CACNA1D: variants seen among roughly 807,000 people sequenced by gnomAD.
The protein encoded by CACNA1D is calcium voltage-gated channel subunit alpha1 D.
CACNA1D carries 55 observed loss-of-function variants against 257.1 expected under a neutral mutation model. That is an observed-to-expected ratio of 0.21 (90% CI 0.17 to 0.27). The LOEUF is 0.27. CACNA1D is among the 10% of genes least tolerant of loss of function. CACNA1D has a pLI of 1.00. For missense variants in CACNA1D, 1,876 were observed against 2,784.0 expected (o/e 0.67, Z 7.34); for synonymous variants, 980 against 1,014.9 (o/e 0.97, Z 0.65).
In CACNA1D at chr3:53,665,810, C is replaced by T. The variant is rs992092019; in HGVS notation, c.917C>T (p.Ser306Leu). 6.2e-7 allele frequency: 1 copy of T among 1,612,152 alleles called. No homozygotes were observed. The highest frequency in any genetic ancestry group is 1.1e-5 in the South Asian group (1 of 90,842). The change falls in exon 6 of 48, where the codon TCA becomes TTA. Residue 306 changes from serine (S) to leucine (L), a missense_variant and splice_region_variant. By Grantham distance (145) the Ser-to-Leu change is moderately radical. Transcript: ENST00000350061. Reference protein sequence around the residue: ...KMHKTCFFADSDIVAEEDPAP... With the variant: ...KMHKTCFFADLDIVAEEDPAP... ...CACAAAACATGTTTTTTTGCTGACT[C>T]AGGTGAGTAATGAGAATTGTAGCTA...
intron 9 of CACNA1D, among the ~76,000 whole-genome samples, chr3:53,708,435 GC>G (rs1324719546): frequency 6.6e-6 from 1 of 152,218 alleles, no homozygotes; most frequent in Non-Finnish European, 1.5e-5. Flanking sequence ...TCAGGGGCTG[GC>G]CCTAGGGTCA....
intron 3 of CACNA1D, among the ~76,000 whole-genome samples, chr3:53,553,179 C>T (rs2092569983): frequency 6.6e-6 from 1 of 152,230 alleles, no homozygotes; most frequent in Non-Finnish European, 1.5e-5. Context: ...AGTTGACACA[C>T]TTATTCAGAA....
chr3:53,674,267 G>A (rs1440161040), intron 8 of CACNA1D, among the ~76,000 whole-genome samples: 1 of 152,162 alleles, frequency 6.6e-6, no homozygotes, highest in African/African-American at 2.4e-5. Flanking sequence ...AGATTTTACT[G>A]TGAAGGAGAA....
At chr3:53,632,115 T>C (rs187594148) in intron 3 of CACNA1D, among the ~76,000 whole-genome samples, 7 of 152,324 alleles carry the variant, frequency 4.6e-5, no homozygotes, top group Admixed American at 2.6e-4. Context: ...AGAAAAATCG[T>C]CGATGGGATC....
rs779416991 is a variant in CACNA1D, at chr3:53,770,425, A to G, written c.3917A>G (p.Asn1306Ser). The G allele has an allele frequency of 1.9e-6, 3 of 1,613,344 alleles. No homozygotes were observed. The highest frequency in any genetic ancestry group is 2.2e-5 in the South Asian group (2 of 91,058). Residue 1306 changes from asparagine (N) to serine (S), a missense_variant and splice_region_variant, in exon 32 of 48, where the codon AAC becomes AGC. Coordinates refer to ENST00000350061, the MANE Select transcript of CACNA1D (RefSeq NM_001128840.3). ...GACCTCTCCATGATAACCCTTCAGA[A>G]CTCTGAAGAGAGCAATAGAATCTCC... ...NVPVPTATPG[N>S]SEESNRISIT...
chr3:53,753,569 T>C lies in CACNA1D; in HGVS notation c.3676-3T>C, dbSNP rs1308340368. ...AGAACGGTCCCTCTGTCTTCATCCATAGCACTACGAGCAGTCCAAGATGTT... is the reference window on the plus strand; with the variant it reads ...AGAACGGTCCCTCTGTCTTCATCCACAGCACTACGAGCAGTCCAAGATGTT... On this transcript the variant is annotated splice_polypyrimidine_tract_variant and splice_region_variant and intron_variant, in intron 28 of 47. Coordinates refer to ENST00000350061, the MANE Select transcript of CACNA1D (RefSeq NM_001128840.3). 4 of 1,582,276 alleles carry C rather than the reference T, an allele frequency of 2.5e-6. No homozygotes were observed. Among genetic ancestry groups the C allele is most frequent in the South Asian group, 2.2e-5 (2 of 90,468 alleles).
intron 28 of CACNA1D, among the ~76,000 whole-genome samples, chr3:53,753,237 A>G (rs2095240925): frequency 6.6e-6 from 1 of 152,226 alleles, no homozygotes; most frequent in African/African-American, 2.4e-5. Context: ...TTCTACCTCT[A>G]TTCATAGACA....
intron 39 of CACNA1D, chr3:53,785,725 G>C (rs1004388182): frequency 2.0e-5 from 3 of 152,270 alleles, no homozygotes; most frequent in African/African-American, 7.2e-5. Context: ...CATCCTCACG[G>C]CTCCTCTGAG....
chr3:53,700,303 C>T (rs947950218), intron 8 of CACNA1D, among the ~76,000 whole-genome samples: 3 of 151,872 alleles, frequency 2.0e-5, no homozygotes, highest in Admixed American at 1.3e-4. Flanking sequence ...GGAATCAAAA[C>T]ATGCAAACAG....
intron 3 of CACNA1D, among the ~76,000 whole-genome samples, chr3:53,635,818 C>T (rs1000976993): frequency 2.0e-5 from 3 of 152,328 alleles, no homozygotes; most frequent in Admixed American, 6.5e-5. Context: ...CTCTCTTCTT[C>T]TCCAGATAGT....
intron 9 of CACNA1D, among the ~76,000 whole-genome samples, chr3:53,711,326 C>T (rs971268129): frequency 5.3e-5 from 8 of 152,180 alleles, no homozygotes; most frequent in African/African-American, 7.2e-5. Context: ...TGAGAATGGG[C>T]TCGTGTGGGA....
At chr3:53,497,794 T>C (rs756594730) in intron 2 of CACNA1D, among the ~76,000 whole-genome samples, 1 of 152,166 alleles carries the variant, frequency 6.6e-6, no homozygotes, top group Non-Finnish European at 1.5e-5. Context: ...AAATTCAGTG[T>C]TGTCTTTGGG....
At chr3:53,538,624 C>T (rs945645093) in intron 3 of CACNA1D, among the ~76,000 whole-genome samples, 2 of 152,184 alleles carry the variant, frequency 1.3e-5, no homozygotes, top group Non-Finnish European at 2.9e-5. Context: ...AACCTTCTCA[C>T]ATTGGTCCCT....
chr3:53,688,613 C>T (rs1449075284), intron 8 of CACNA1D, among the ~76,000 whole-genome samples: 2 of 152,194 alleles, frequency 1.3e-5, no homozygotes, highest in Non-Finnish European at 2.9e-5. Context: ...AAAGTCATCT[C>T]ATTTGCAGTC....
chr3:53,616,068 TG>T (rs1382093990), intron 3 of CACNA1D, among the ~76,000 whole-genome samples: 1 of 152,214 alleles, frequency 6.6e-6, no homozygotes, highest in Non-Finnish European at 1.5e-5. Flanking sequence ...TGATGATCCT[TG>T]GGAAACTTTC....
chr3:53,674,943 G>A (rs2094359817), intron 8 of CACNA1D, among the ~76,000 whole-genome samples: 2 of 152,230 alleles, frequency 1.3e-5, no homozygotes, highest in South Asian at 2.1e-4. Flanking sequence ...TCTCGGGGAA[G>A]TGATGTCTTC....
intron 9 of CACNA1D, among the ~76,000 whole-genome samples, chr3:53,712,765 A>G (rs558181424): frequency 6.6e-6 from 1 of 152,294 alleles, no homozygotes; most frequent in East Asian, 1.9e-4. Context: ...AGGTGGAAGG[A>G]AATGCTAAAA....
intron 27 of CACNA1D, among the ~76,000 whole-genome samples, chr3:53,750,665 G>C (rs540189502): frequency 1.3e-5 from 2 of 152,190 alleles, no homozygotes; most frequent in Admixed American, 6.5e-5. Flanking sequence ...GCAAGGCCAG[G>C]CCAGCCACGC....
chr3:53,526,272 A>G (rs145930025), intron 3 of CACNA1D, among the ~76,000 whole-genome samples: 89 of 152,316 alleles, frequency 5.8e-4, no homozygotes, highest in African/African-American at 1.9e-3. Context: ...CTAAGAATGG[A>G]AAGAGAGTCA....
Sources: gnomAD v4.1 joint callset for allele counts (sites outside exome capture counted in the v4.1 genomes callset) on GRCh38, gnomAD v4.1.1 for gene constraint, MANE v1.5 for transcripts, NCBI Gene and HGNC (gene_info 2026-07-23, HGNC 2026-07-21) for gene names.